Variants in UMAD1 observed in about 807,000 individuals in gnomAD.
UMAD1 encodes UBAP1-MVB12-associated (UMA) domain containing 1, also known as UBAP1-MVB12-associated (UMA)-domain containing protein 1.
A neutral mutation model predicts 6.1 loss-of-function variants in UMAD1; 8 were observed. That is an observed-to-expected ratio of 1.30 (90% CI 0.76 to 2.35). UMAD1 has a LOEUF of 2.35. Among genes scored for constraint, UMAD1 ranks in the 30% most tolerant of loss-of-function variants. The pLI is 0.00. For missense variants in UMAD1, 130 were observed against 78.4 expected (o/e 1.66, Z -2.49); for synonymous variants, 56 against 31.4 (o/e 1.78, Z -2.61).
At position 7,778,226 on chromosome 7, in the gene UMAD1, T is replaced by G. The variant is rs868084420; in HGVS notation, c.83-23444T>G. 2.2e-4 allele frequency among the ~76,000 whole-genome samples: 28 copies of G among 126,460 alleles called. No individual in the cohort carries two copies. In the East Asian group the frequency reaches 4.4e-3, roughly 20 times the overall value. 83.0% of individuals were successfully genotyped at this position (126,460 alleles called of 152,430 possible). On this transcript the variant is annotated intron_variant, in intron 2 of 3. Coordinates refer to ENST00000682710, the MANE Select transcript of UMAD1 (RefSeq NM_001302348.2). ...CATCTTGGCTTCTCCAAAACTGGTT[T>G]TGTGTGTGTGTGTGTGTGTGTGTGT...
chr7:7,847,103 AAATAT>A (rs1783814035), intron 3 of UMAD1, among the ~76,000 whole-genome samples: 9 of 20,762 alleles, frequency 4.3e-4, no homozygotes, highest in Admixed American at 5.9e-4. Context: ...AAAAAAAAAA[AAATAT>A]ATATATATAT....
At chr7:7,697,763 T>G (rs1232846221) in intron 2 of UMAD1, among the ~76,000 whole-genome samples, 1 of 152,194 alleles carries the variant, frequency 6.6e-6, no homozygotes, top group Non-Finnish European at 1.5e-5. Flanking sequence ...ATTTACTGTA[T>G]TTTTTCCTTG....
chr7:7,758,069 CATT>C (rs1781813292), intron 2 of UMAD1, among the ~76,000 whole-genome samples: 1 of 151,654 alleles, frequency 6.6e-6, no homozygotes, highest in South Asian at 2.1e-4. Context: ...ATTATTTTTA[CATT>C]ATTATTATTA....
intron 2 of UMAD1, among the ~76,000 whole-genome samples, chr7:7,768,629 G>C (rs2115240046): frequency 6.6e-6 from 1 of 151,966 alleles, no homozygotes; most frequent in East Asian, 1.9e-4. Context: ...ATTCGCTCAT[G>C]TGTTTATCAA....
intron 2 of UMAD1, among the ~76,000 whole-genome samples, chr7:7,801,173 C>T (rs1782792076): frequency 6.6e-6 from 1 of 152,128 alleles, no homozygotes; most frequent in African/African-American, 2.4e-5. Flanking sequence ...TGCATTTGTT[C>T]ATTATTCTTT....
At chr7:7,815,748 C>T (rs12669393) in intron 3 of UMAD1, among the ~76,000 whole-genome samples, 43,802 of 151,990 alleles carry the variant, frequency 0.29, 6,400 homozygotes, top group Admixed American at 0.33. Flanking sequence ...GGCACGGGAG[C>T]CTGGTAAGGA....
Position 7,798,910 on chromosome 7 carries a change from T to C in UMAD1, c.83-2760T>C, listed in dbSNP as rs1782741989. Among the ~76,000 whole-genome samples the C allele has an allele frequency of 2.0e-5, 3 of 152,234 alleles. No homozygotes were observed. The South Asian group carries it at 6.2e-4, about 32-fold the overall frequency. Reference sequence around the variant, plus strand: ...AACAGTAATCAAATCTGATGTTTTTTAAAAGCCTATATGAAAGGTAAGGTA... The same window carrying C: ...AACAGTAATCAAATCTGATGTTTTTCAAAAGCCTATATGAAAGGTAAGGTA... On this transcript the variant is annotated intron_variant, in intron 2 of 3. Coordinates refer to ENST00000682710, the MANE Select transcript of UMAD1 (RefSeq NM_001302348.2).
intron 3 of UMAD1, among the ~76,000 whole-genome samples, chr7:7,858,096 A>C (rs139645708): frequency 6.6e-6 from 1 of 152,342 alleles, no homozygotes; most frequent in Non-Finnish European, 1.5e-5. Context: ...TACCTACCTC[A>C]TAAAGGAAAA....
At chr7:7,689,306 T>A (rs1780116634) in intron 2 of UMAD1, 1 of 152,190 alleles carries the variant, frequency 6.6e-6, no homozygotes, top group Admixed American at 6.5e-5. Flanking sequence ...GCTGATGATG[T>A]TTTATCTATC....
chr7:7,659,262 G>C (rs1370701728), intron 1 of UMAD1, among the ~76,000 whole-genome samples: 1 of 152,012 alleles, frequency 6.6e-6, no homozygotes. Context: ...CCAGCTCCTG[G>C]ATTCATTGAT....
intron 2 of UMAD1, among the ~76,000 whole-genome samples, chr7:7,719,558 T>A (rs978057118): frequency 1.3e-5 from 2 of 152,136 alleles, no homozygotes; most frequent in African/African-American, 4.8e-5. Flanking sequence ...AACAGTAGAG[T>A]CTCACAAGGG....
At chr7:7,660,534 A>G (rs1305241286) in intron 1 of UMAD1, among the ~76,000 whole-genome samples, 1 of 152,152 alleles carries the variant, frequency 6.6e-6, no homozygotes, top group East Asian at 1.9e-4. Context: ...TTGTTTGTAA[A>G]GGATTTTATT....
chr7:7,856,240 A>G (rs7792309), intron 3 of UMAD1, among the ~76,000 whole-genome samples: 3,182 of 152,298 alleles, frequency 0.021, 122 homozygotes, highest in African/African-American at 0.072. Flanking sequence ...TTGTTCTCAC[A>G]TTGTTATAAG....
At chr7:7,776,876 ATC>A (rs1295162952) in intron 2 of UMAD1, among the ~76,000 whole-genome samples, 1 of 151,800 alleles carries the variant, frequency 6.6e-6, no homozygotes, top group African/African-American at 2.4e-5. Flanking sequence ...TTCCTCCAAC[ATC>A]TGTCATCGAT....
At chr7:7,641,032 C>T (rs1332343625) in intron 1 of UMAD1, 3 of 152,682 alleles carry the variant, frequency 2.0e-5, no homozygotes, top group Non-Finnish European at 2.9e-5. Flanking sequence ...GGTGTGGCGT[C>T]GGGGTTGTGA....
intron 3 of UMAD1, among the ~76,000 whole-genome samples, chr7:7,803,723 T>C (rs1021246119): frequency 6.6e-6 from 1 of 152,028 alleles, no homozygotes; most frequent in African/African-American, 2.4e-5. Context: ...GTTTGCACTC[T>C]GGCTGTGTCC....
intron 3 of UMAD1, among the ~76,000 whole-genome samples, chr7:7,808,173 A>G (rs1431607973): frequency 2.0e-5 from 3 of 152,028 alleles, no homozygotes; most frequent in Non-Finnish European, 4.4e-5. Flanking sequence ...TAATTATCCA[A>G]TTAAAGGATT....
chr7:7,788,937 A>G (rs1237180428), intron 2 of UMAD1, among the ~76,000 whole-genome samples: 2 of 152,212 alleles, frequency 1.3e-5, no homozygotes, highest in Non-Finnish European at 2.9e-5. Flanking sequence ...ACTGTGCTTC[A>G]TCTGTTGCCT....
intron 1 of UMAD1, among the ~76,000 whole-genome samples, chr7:7,649,654 A>T (rs778119510): frequency 1.3e-5 from 2 of 151,498 alleles, no homozygotes; most frequent in Middle Eastern, 3.4e-3. Context: ...GTCTGTGTTA[A>T]TTTGAATGTT....
Sources: gnomAD v4.1 joint callset for allele counts (sites outside exome capture counted in the v4.1 genomes callset) on GRCh38, gnomAD v4.1.1 for gene constraint, MANE v1.5 for transcripts, NCBI Gene and HGNC (gene_info 2026-07-23, HGNC 2026-07-21) for gene names.